KIRREL3: variants seen among roughly 807,000 people sequenced by gnomAD.
KIRREL3 encodes kirre like nephrin family adhesion molecule 3.
A neutral mutation model predicts 89.7 loss-of-function variants in KIRREL3; 36 were observed. The ratio of observed to expected loss-of-function variants is 0.40; its 90% CI spans 0.31 to 0.53. The LOEUF (loss-of-function observed/expected upper bound fraction) is 0.53, where lower values mean the gene tolerates loss of function less well. KIRREL3 is among the 20% of genes least tolerant of loss of function. KIRREL3 has a pLI of 0.49. For missense variants in KIRREL3, 864 were observed against 1,056.6 expected (o/e 0.82, Z 2.53); for synonymous variants, 445 against 441.4 (o/e 1.01, Z -0.10).
chr11:126,437,304 A>C (rs1364321384), intron 11 of KIRREL3, among the ~76,000 whole-genome samples: 1 of 152,156 alleles, frequency 6.6e-6, no homozygotes, highest in Middle Eastern at 3.2e-3. Flanking sequence ...GTCTATACAC[A>C]GCTCCCCACA....
chr11:126,787,652 C>G (rs1470760991), intron 1 of KIRREL3, among the ~76,000 whole-genome samples: 1 of 152,194 alleles, frequency 6.6e-6, no homozygotes, highest in Non-Finnish European at 1.5e-5. Context: ...ACAGCTTGGA[C>G]AGCCAGCCTC....
intron 2 of KIRREL3, among the ~76,000 whole-genome samples, chr11:126,547,695 C>T (rs1591715654): frequency 6.6e-6 from 1 of 152,132 alleles, no homozygotes; most frequent in Admixed American, 6.5e-5. Context: ...GCCTGAGTGG[C>T]GGAGTGGGGG....
chr11:126,773,529 C>T lies in KIRREL3; in HGVS notation c.56-210617G>A, dbSNP rs1453568224. ...CTCTATATATCGCTTCCTGTTGGTT[C>T]TGTTTCTCTGGAGAATCCTGACTAA... is the stretch of plus-strand genomic sequence containing the variant. On this transcript the variant is annotated intron_variant, in intron 1 of 16. Transcript: ENST00000525144. This position sits in a 1 kb window ranked among gnomAD's most constrained non-coding sequence, Gnocchi z 4.2. Among the ~76,000 whole-genome samples, 1 of 152,206 alleles carries T rather than the reference C, an allele frequency of 6.6e-6. No individual in the cohort carries two copies. Among genetic ancestry groups the T allele is most frequent in the African/African-American group, 2.4e-5 (1 of 41,438 alleles).
intron 1 of KIRREL3, among the ~76,000 whole-genome samples, chr11:126,720,203 G>T (rs1217928264): frequency 6.6e-6 from 1 of 152,220 alleles, no homozygotes; most frequent in African/African-American, 2.4e-5. Flanking sequence ...TTTGAGGGCA[G>T]GGGCTTAATG....
chr11:126,451,257 ATTGC>A (rs781765941), intron 7 of KIRREL3, among the ~76,000 whole-genome samples: 3 of 111,892 alleles, frequency 2.7e-5, no homozygotes, highest in Non-Finnish European at 3.6e-5. Context: ...GCATGTGTGC[ATTGC>A]TTGTGTGTCC....
chr11:126,774,929 A>G (rs533217594), intron 1 of KIRREL3, among the ~76,000 whole-genome samples: 1 of 152,282 alleles, frequency 6.6e-6, no homozygotes, highest in Non-Finnish European at 1.5e-5. Flanking sequence ...AGTCTTGGAC[A>G]TTGCCTATAA....
intron 4 of KIRREL3, among the ~76,000 whole-genome samples, chr11:126,514,664 A>G (rs144223391): frequency 1.4e-4 from 22 of 152,340 alleles, no homozygotes; most frequent in Non-Finnish European, 2.6e-4. Context: ...AGCAGTTATG[A>G]TTATTTCCCT....
intron 7 of KIRREL3, among the ~76,000 whole-genome samples, chr11:126,456,046 T>TG (rs1191451952): frequency 5.0e-5 from 6 of 120,468 alleles, no homozygotes; most frequent in Non-Finnish European, 8.8e-5. Flanking sequence ...TTCGTTTTTT[T>TG]TTTTTTTTTT....
chr11:126,731,114 C>T (rs1051798397), intron 1 of KIRREL3, among the ~76,000 whole-genome samples: 15 of 152,330 alleles, frequency 9.8e-5, no homozygotes, highest in South Asian at 4.1e-4. Flanking sequence ...CTGCCTCCTG[C>T]GAGAATGCTT....
chr11:126,634,633 A>G (rs1028728557), intron 1 of KIRREL3, among the ~76,000 whole-genome samples: 1 of 152,124 alleles, frequency 6.6e-6, no homozygotes, highest in Non-Finnish European at 1.5e-5. Context: ...TTTTTTCTCA[A>G]AAAAGACTTA....
intron 5 of KIRREL3, 36 bp downstream of exon 5, chr11:126,473,273 C>A (rs777507643): frequency 4.3e-6 from 3 of 695,188 alleles, no homozygotes; most frequent in South Asian, 5.4e-5. Context: ...CCCCTTGAAG[C>A]CCGTCCACAC....
intron 1 of KIRREL3, among the ~76,000 whole-genome samples, chr11:126,863,404 TGA>T (rs1263572102): frequency 0.012 from 334 of 27,022 alleles, 3 homozygotes; most frequent in East Asian, 0.058. Flanking sequence ...TGTGAGTGCG[TGA>T]GTGCGTGTGT....
chr11:126,874,115 A>T (rs1015709498), intron 1 of KIRREL3, among the ~76,000 whole-genome samples: 1 of 152,220 alleles, frequency 6.6e-6, no homozygotes, highest in African/African-American at 2.4e-5. Context: ...TTCTGGCCTG[A>T]TAGCATTTGC....
At chr11:126,835,327 T>C (rs1330737962) in intron 1 of KIRREL3, among the ~76,000 whole-genome samples, 1 of 152,174 alleles carries the variant, frequency 6.6e-6, no homozygotes, top group Non-Finnish European at 1.5e-5. Flanking sequence ...AAGGAATAAA[T>C]AGGCTGGTAG....
rs1958619146 is a variant in KIRREL3 at position 126,522,144 on chromosome 11, C to G, written c.284-680G>C. Among the ~76,000 whole-genome samples the G allele has an allele frequency of 6.6e-6, 1 of 152,068 alleles. No individual in the cohort carries two copies. The highest frequency in any genetic ancestry group is 1.5e-5 in the Non-Finnish European group (1 of 68,030). The stretch of plus-strand genomic sequence containing the variant: ...TGGAAATGCTAAGCGTGGACAGACA[C>G]CGCTGGCTTATTATTCTGGAAAGTG... On this transcript the variant is annotated intron_variant, in intron 3 of 16. Coordinates refer to ENST00000525144, the MANE Select transcript of KIRREL3 (RefSeq NM_032531.4). This position sits in a 1 kb window ranked among gnomAD's most constrained non-coding sequence, Gnocchi z 6.0.
In KIRREL3 at chr11:126,569,642, T is replaced by C. The variant is rs1041569863; in HGVS notation, c.56-6730A>G. The stretch of plus-strand genomic sequence containing the variant: ...AGGTAATAGTTCGGTAAAGAAAGTC[T>C]TGAGGCAGCACGCAAGTTATTTCTG... On this transcript the variant is annotated intron_variant, in intron 1 of 16. Coordinates refer to ENST00000525144, the MANE Select transcript of KIRREL3 (RefSeq NM_032531.4). This position sits in a 1 kb window ranked among gnomAD's most constrained non-coding sequence, Gnocchi z 6.5. 2.6e-5 allele frequency among the ~76,000 whole-genome samples: 4 copies of C among 152,206 alleles called. No individual in the cohort carries two copies. Among genetic ancestry groups the C allele is most frequent in the Non-Finnish European group, 5.9e-5 (4 of 68,044 alleles).
intron 1 of KIRREL3, among the ~76,000 whole-genome samples, chr11:126,580,097 T>G (rs995757164): frequency 1.3e-5 from 2 of 152,230 alleles, no homozygotes; most frequent in Middle Eastern, 3.4e-3. Flanking sequence ...CACCCACCTC[T>G]GCCTCCCAAA....
At chr11:126,789,113 G>A (rs1187533758) in intron 1 of KIRREL3, among the ~76,000 whole-genome samples, 1 of 152,182 alleles carries the variant, frequency 6.6e-6, no homozygotes, top group Non-Finnish European at 1.5e-5. Flanking sequence ...CTCTTTAGGG[G>A]CATGGACTAC....
intron 1 of KIRREL3, among the ~76,000 whole-genome samples, chr11:126,630,231 A>G (rs1357069489): frequency 1.3e-5 from 2 of 152,178 alleles, no homozygotes; most frequent in Non-Finnish European, 2.9e-5. Flanking sequence ...GTCGAATGGA[A>G]TATAAGCCCC....
Sources: gnomAD v4.1 joint callset for allele counts (sites outside exome capture counted in the v4.1 genomes callset) on GRCh38, gnomAD v4.1.1 for gene constraint, Gnocchi (gnomAD v3.1) non-coding constraint, MANE v1.5 for transcripts, NCBI Gene and HGNC (gene_info 2026-07-23, HGNC 2026-07-21) for gene names.